The following LAMB4 variants were observed in gnomAD, a reference collection of about 807,000 sequenced individuals.
LAMB4 encodes laminin subunit beta 4.
In LAMB4, 196 loss-of-function variants were observed where a neutral mutation model predicts 199.2. The observed-to-expected ratio is 0.98, with a 90% CI of 0.88 to 1.11. LAMB4 has a LOEUF of 1.11. Among genes scored for constraint, LAMB4 ranks in the 50% least tolerant of loss-of-function variants. The pLI is 0.00. For missense variants in LAMB4, 2,080 were observed against 2,171.2 expected (o/e 0.96, Z 0.83); for synonymous variants, 744 against 770.6 (o/e 0.97, Z 0.57).
intron 17 of LAMB4, among the ~76,000 whole-genome samples, chr7:108,074,349 T>G (rs1249780954): frequency 6.6e-6 from 1 of 152,190 alleles, no homozygotes; most frequent in Non-Finnish European, 1.5e-5. Context: ...TGAAAACTAA[T>G]TGAATGCAAT....
chr7:108,069,908 CTT>C (rs1464014574), intron 17 of LAMB4, 23 bp from the exon 18 acceptor site: 9 of 1,592,764 alleles, frequency 5.7e-6, no homozygotes, highest in Non-Finnish European at 7.7e-6. Flanking sequence ...TGCAAAAAGA[CTT>C]AACATTCAAA....
intron 29 of LAMB4, 26 bp downstream of exon 29, chr7:108,043,726 A>G: frequency 1.4e-6 from 2 of 1,451,210 alleles, no homozygotes; most frequent in South Asian, 1.2e-5. Context: ...AACAAAAACT[A>G]GTCCTAATAT....
In LAMB4 at chr7:108,055,195, T is replaced by G. The variant is rs868828273; in HGVS notation, c.3755+437A>C. On this transcript the variant is annotated intron_variant, in intron 25 of 33. Transcript: ENST00000388781. The stretch of plus-strand genomic sequence containing the variant: ...ATACATGATTTCCAGCTGTTTTTTT[T>G]TTTTTTTTGAGACAGAGTTTCACTC... Among the ~76,000 whole-genome samples the G allele has an allele frequency of 6.2e-3, 937 of 152,152 alleles. 9 individuals carry two copies. The highest frequency in any genetic ancestry group is 0.021 in the African/African-American group (888 of 41,516).
chr7:108,057,715 A>G (rs920070688), intron 24 of LAMB4, 117 bp downstream of exon 24: 11 of 643,842 alleles, frequency 1.7e-5, no homozygotes, highest in Admixed American at 1.3e-4. Flanking sequence ...GAGTTTTCTA[A>G]GTCCACCTTA....
chr7:108,028,851 C>A (rs572440208), intron 33 of LAMB4, among the ~76,000 whole-genome samples, 192 bp downstream of exon 33: 1 of 152,162 alleles, frequency 6.6e-6, no homozygotes, highest in African/African-American at 2.4e-5. Context: ...GCTCATTAAC[C>A]TTTCTAGGCA....
At position 108,037,544 on chromosome 7, in the gene LAMB4, T is replaced by A; in HGVS notation, c.4523A>T (p.Asp1508Val). The A allele has an allele frequency of 6.2e-7, 1 of 1,614,202 alleles. No homozygotes were observed. Among genetic ancestry groups the A allele is most frequent in the South Asian group, 1.1e-5 (1 of 91,080 alleles). Residue 1508 changes from aspartate (D) to valine (V), a missense_variant, in exon 30 of 34, where the codon GAC becomes GTC. Transcript: ENST00000388781. ...DIEKVANGVLDIHLPIPSQNL... is the reference protein window; with the variant it reads ...DIEKVANGVLVIHLPIPSQNL... Reference sequence around the variant, plus strand: ...TTGGGATGGAATTGGTAGGTGAATGTCAAGCACACCATTCGCAACCTTCTC... The same window carrying A: ...TTGGGATGGAATTGGTAGGTGAATGACAAGCACACCATTCGCAACCTTCTC...
chr7:108,079,161 G>T (rs1196522989), intron 15 of LAMB4, among the ~76,000 whole-genome samples: 2 of 152,180 alleles, frequency 1.3e-5, no homozygotes, highest in Non-Finnish European at 2.9e-5. Flanking sequence ...GAAACAAGAG[G>T]GGCAGTTTGC....
the LAMB4 span, among the ~76,000 whole-genome samples, chr7:108,013,670 G>A: frequency 6.6e-6 from 1 of 152,114 alleles, no homozygotes; most frequent in Non-Finnish European, 1.5e-5. Context: ...GCCCCATTCT[G>A]GAGGGCAGTC....
At chr7:108,028,965 T>C (rs1332878485) in intron 33 of LAMB4, 78 bp downstream of exon 33, 17 of 1,332,360 alleles carry the variant, frequency 1.3e-5, no homozygotes, top group African/African-American at 2.9e-5. Context: ...TAAGCTGACA[T>C]TGGTATAAAT....
In LAMB4 at chr7:108,126,988, G is replaced by A. The variant is rs1327885689; in HGVS notation, c.-34+3318C>T. Among the ~76,000 whole-genome samples the A allele has an allele frequency of 3.9e-5, 6 of 152,206 alleles. No homozygotes were observed. In the East Asian group the frequency reaches 1.2e-3, roughly 29 times the overall value. ...AGAATCTCTGGGGTGGGACCCAGGT[G>A]TCAATGTGTATAAAACACTCCCTAG... On this transcript the variant is annotated intron_variant, in intron 1 of 33. Transcript: ENST00000388781.
At position 108,030,850 on chromosome 7, in the gene LAMB4, C is replaced by A; in HGVS notation, c.4948G>T (p.Val1650Phe). 1.2e-6 allele frequency: 2 copies of A among 1,614,194 alleles called. No individual in the cohort carries two copies. Among genetic ancestry groups the A allele is most frequent in the Non-Finnish European group, 1.7e-6 (2 of 1,180,018 alleles). ...RHQDHAVNAK[V>F]QAESAQHQAG... ...TGGTGTTGGGCAGATTCAGCCTGAACTTTCGCATTGACAGCGTGGTCTTGA... is the reference window on the plus strand; with the variant it reads ...TGGTGTTGGGCAGATTCAGCCTGAAATTTCGCATTGACAGCGTGGTCTTGA... The change falls in exon 32 of 34, where the codon GTT becomes TTT. Residue 1650 changes from valine (V) to phenylalanine (F), a missense_variant. By Grantham distance (50) the Val-to-Phe change is conservative. Coordinates refer to ENST00000388781, the MANE Select transcript of LAMB4 (RefSeq NM_007356.3).
At chr7:108,112,175 A>G (rs2150673688) in intron 3 of LAMB4, among the ~76,000 whole-genome samples, 2 of 152,372 alleles carry the variant, frequency 1.3e-5, no homozygotes, top group African/African-American at 4.8e-5. Context: ...ATGCAAATTT[A>G]TGTAAAACTA....
the LAMB4 span, among the ~76,000 whole-genome samples, chr7:108,013,118 GTATT>G: frequency 6.6e-6 from 1 of 152,236 alleles, no homozygotes; most frequent in Non-Finnish European, 1.5e-5. Context: ...TGTGTGAAGA[GTATT>G]CATTAAGTAA....
At chr7:108,020,470 C>CAAAAAAAAAA (rs57432162), downstream of LAMB4, among the ~76,000 whole-genome samples, 1 of 62,936 alleles carries the variant, frequency 1.6e-5, no homozygotes, top group Non-Finnish European at 3.8e-5. Flanking sequence ...GACTCCATCT[C>CAAAAAAAAAA]AAAAAAAAAA....
In LAMB4 at chr7:108,057,839, T is replaced by C; in HGVS notation, c.3372A>G (p.Arg1124=). ...AGAAATCCCAATACTTACGAATGCA[T>C]CGCCCAGGTGGATCACCATAATAAT... The part of the protein sequence containing the change: ...QENYYGDPPG[R]CIPCDCNRAG... The change falls in exon 24 of 34, where the codon CGA becomes CGG. Residue 1124 remains arginine, a synonymous_variant. Transcript: ENST00000388781. The C allele has an allele frequency of 6.2e-7, 1 of 1,609,178 alleles. No individual in the cohort carries two copies. The highest frequency in any genetic ancestry group is 1.1e-5 in the South Asian group (1 of 90,980).
chr7:108,073,837 T>C (rs539435331), intron 17 of LAMB4, among the ~76,000 whole-genome samples: 1 of 152,190 alleles, frequency 6.6e-6, no homozygotes, highest in Admixed American at 6.5e-5. Flanking sequence ...GGCAGGCTGG[T>C]GTACTCATCC....
intron 14 of LAMB4, among the ~76,000 whole-genome samples, chr7:108,088,509 T>G (rs2037275211): frequency 6.6e-6 from 1 of 152,192 alleles, no homozygotes; most frequent in African/African-American, 2.4e-5. Flanking sequence ...ATCAGAAGTA[T>G]TAATTATACC....
intron 15 of LAMB4, among the ~76,000 whole-genome samples, chr7:108,078,775 A>C (rs1001331451): frequency 2.6e-5 from 4 of 152,202 alleles, no homozygotes; most frequent in African/African-American, 4.8e-5. Flanking sequence ...TCTACAGATA[A>C]ATTAATCTAT....
In LAMB4 at chr7:108,116,173, C is replaced by A. The variant is rs776270355; in HGVS notation, c.35-12G>T. The A allele has an allele frequency of 6.2e-7, 1 of 1,610,396 alleles. No individual in the cohort carries two copies. Among genetic ancestry groups the A allele is most frequent in the Non-Finnish European group, 8.5e-7 (1 of 1,177,366 alleles). Reference sequence around the variant, plus strand: ...GTAACTGAGCCACCCTTGAACACAACAGAAATAGCTTACACGGAAGGCAGT... The same window carrying A: ...GTAACTGAGCCACCCTTGAACACAAAAGAAATAGCTTACACGGAAGGCAGT... On this transcript the variant is annotated splice_polypyrimidine_tract_variant and intron_variant, in intron 2 of 33. Transcript: ENST00000388781.
Sources: allele counts gnomAD v4.1 joint callset (sites outside exome capture counted in the v4.1 genomes callset), GRCh38; gene constraint gnomAD v4.1.1; transcripts MANE v1.5; gene names NCBI Gene and HGNC (gene_info 2026-07-23, HGNC 2026-07-21).